ZNF804A: variants seen among roughly 807,000 people sequenced by gnomAD.
ZNF804A encodes zinc finger protein 804A.
In ZNF804A, 2 loss-of-function variants were observed where a neutral mutation model predicts 16.5. The observed-to-expected ratio is 0.12, with a 90% CI of 0.05 to 0.38. The LOEUF (loss-of-function observed/expected upper bound fraction) is 0.38. ZNF804A is among the 10% of genes least tolerant of loss of function. The pLI, the probability that ZNF804A is intolerant of heterozygous loss-of-function variation, is 0.99. For synonymous variants in ZNF804A, 534 were observed against 489.6 expected (o/e 1.09, Z -1.20); for missense variants, 1,473 against 1,390.7 (o/e 1.06, Z -0.94).
At chr2:184,698,982 G>A (rs953712191) in intron 1 of ZNF804A, among the ~76,000 whole-genome samples, 9 of 152,032 alleles carry the variant, frequency 5.9e-5, no homozygotes, top group Admixed American at 3.9e-4. Context: ...TGGACCAACC[G>A]TGCCCACTCA....
At chr2:184,845,412 AT>A (rs1033506602) in intron 1 of ZNF804A, among the ~76,000 whole-genome samples, 1 of 151,938 alleles carries the variant, frequency 6.6e-6, no homozygotes, top group African/African-American at 2.4e-5. Flanking sequence ...GTGATATAGA[AT>A]TTTTTTCTTT....
At chr2:184,887,677 C>A (rs1305111623) in intron 2 of ZNF804A, among the ~76,000 whole-genome samples, 3 of 152,080 alleles carry the variant, frequency 2.0e-5, no homozygotes, top group African/African-American at 7.2e-5. Context: ...CCTGATAAAC[C>A]CATCAGATCT....
chr2:184,810,546 A>G (rs962487377), intron 1 of ZNF804A, among the ~76,000 whole-genome samples: 1 of 129,462 alleles, frequency 7.7e-6, no homozygotes, highest in Non-Finnish European at 1.5e-5. Flanking sequence ...GCTGGAGTGC[A>G]GTGGAGCGAT....
chr2:184,701,331 A>G (rs1328441499), intron 1 of ZNF804A, among the ~76,000 whole-genome samples: 1 of 152,012 alleles, frequency 6.6e-6, no homozygotes, highest in Non-Finnish European at 1.5e-5. Flanking sequence ...GATATTGTAT[A>G]TAAACACAAT....
At chr2:184,677,957 T>C (rs1692467440) in intron 1 of ZNF804A, among the ~76,000 whole-genome samples, 1 of 152,056 alleles carries the variant, frequency 6.6e-6, no homozygotes, top group Admixed American at 6.6e-5. Context: ...TATCTGACTA[T>C]CATATCCACT....
intron 2 of ZNF804A, among the ~76,000 whole-genome samples, chr2:184,931,806 G>A (rs952402877): frequency 6.6e-6 from 1 of 152,084 alleles, no homozygotes; most frequent in Non-Finnish European, 1.5e-5. Flanking sequence ...CCACTTTTAT[G>A]TTCTGCCTCC....
At chr2:184,872,215 C>G (rs1157850068) in intron 2 of ZNF804A, among the ~76,000 whole-genome samples, 3 of 152,040 alleles carry the variant, frequency 2.0e-5, no homozygotes, top group South Asian at 2.1e-4. Flanking sequence ...CAGACAAAAG[C>G]TATCTAACTT....
intron 1 of ZNF804A, among the ~76,000 whole-genome samples, chr2:184,661,707 A>C (rs933371433): frequency 2.1e-4 from 32 of 152,208 alleles, no homozygotes; most frequent in African/African-American, 7.5e-4. Context: ...CGGAACCAGC[A>C]GCTTGGTTTT....
intron 1 of ZNF804A, among the ~76,000 whole-genome samples, chr2:184,717,844 G>A (rs1249146653): frequency 6.6e-6 from 1 of 152,050 alleles, no homozygotes; most frequent in Non-Finnish European, 1.5e-5. Context: ...CTCTCTTAAA[G>A]CTATTTTGAA....
chr2:184,823,235 C>T (rs1208351612), intron 1 of ZNF804A, among the ~76,000 whole-genome samples: 1 of 151,880 alleles, frequency 6.6e-6, no homozygotes, highest in East Asian at 1.9e-4. Context: ...CAGAAAGGGC[C>T]CACCTAGATT....
At chr2:184,737,556 C>G (rs1460268380) in intron 1 of ZNF804A, among the ~76,000 whole-genome samples, 2 of 152,056 alleles carry the variant, frequency 1.3e-5, no homozygotes, top group African/African-American at 2.4e-5. Context: ...ATTAATATCT[C>G]TCTAAACTAA....
At chr2:184,601,194 T>C (rs1434547927) in intron 1 of ZNF804A, among the ~76,000 whole-genome samples, 1 of 152,092 alleles carries the variant, frequency 6.6e-6, no homozygotes, top group Non-Finnish European at 1.5e-5. Context: ...TCATCTACTA[T>C]ATGTGCTTTC....
chr2:184,739,530 A>G (rs993545796), intron 1 of ZNF804A, among the ~76,000 whole-genome samples: 1 of 152,108 alleles, frequency 6.6e-6, no homozygotes, highest in Non-Finnish European at 1.5e-5. Flanking sequence ...AGTAGCTGGG[A>G]CTACAGGTGC....
chr2:184,628,369 G>A (rs1691542851), intron 1 of ZNF804A, among the ~76,000 whole-genome samples: 1 of 151,986 alleles, frequency 6.6e-6, no homozygotes, highest in Non-Finnish European at 1.5e-5. Flanking sequence ...GGCTGATCTG[G>A]TAATATTAAA....
intron 1 of ZNF804A, among the ~76,000 whole-genome samples, chr2:184,858,455 G>T (rs1301026074): frequency 6.7e-6 from 1 of 148,744 alleles, no homozygotes; most frequent in Non-Finnish European, 1.5e-5. Flanking sequence ...AGTGAGCCGA[G>T]ATCGCGCCAC....
intron 2 of ZNF804A, among the ~76,000 whole-genome samples, chr2:184,888,001 T>C (rs1684923781): frequency 6.6e-6 from 1 of 152,072 alleles, no homozygotes; most frequent in African/African-American, 2.4e-5. Flanking sequence ...CGGTAACGGT[T>C]GAAGAACTAC....
At chr2:184,922,604 T>TTAAATTTAAA (rs1409874777) in intron 2 of ZNF804A, among the ~76,000 whole-genome samples, 3 of 152,134 alleles carry the variant, frequency 2.0e-5, no homozygotes, top group African/African-American at 7.2e-5. Flanking sequence ...TTTAATTTGA[T>TTAAATTTAAA]GTGGCCCTAT....
chr2:184,866,324 C>T (rs763212798), intron 1 of ZNF804A, 45 bp from the exon 2 acceptor site: 61 of 1,596,406 alleles, frequency 3.8e-5, no homozygotes, highest in Middle Eastern at 3.6e-4. Context: ...AAAGTAAACA[C>T]AGGGGAGAGC....
chr2:184,915,747 C>T (rs549099947), intron 2 of ZNF804A, among the ~76,000 whole-genome samples: 5 of 151,892 alleles, frequency 3.3e-5, no homozygotes, highest in Admixed American at 6.6e-5. Context: ...ATCTAAAGAA[C>T]GAGAGGCCTT....
Sources: gnomAD v4.1 joint callset for allele counts (sites outside exome capture counted in the v4.1 genomes callset) on GRCh38, gnomAD v4.1.1 for gene constraint, MANE v1.5 for transcripts, NCBI Gene and HGNC (gene_info 2026-07-23, HGNC 2026-07-21) for gene names.